The following ZNF385B variants were observed in gnomAD, a reference collection of about 807,000 sequenced individuals.
ZNF385B encodes zinc finger protein 533.
ZNF385B carries 23 observed loss-of-function variants against 39.2 expected under a neutral mutation model. The ratio of observed to expected loss-of-function variants is 0.59; its 90% CI spans 0.42 to 0.83. The LOEUF (loss-of-function observed/expected upper bound fraction) is 0.83, where lower values mean the gene tolerates loss of function less well. Among genes scored for constraint, ZNF385B ranks in the 40% least tolerant of loss-of-function variants. The pLI, the probability that ZNF385B is intolerant of heterozygous loss-of-function variation, is 0.00. For synonymous variants in ZNF385B, 205 were observed against 222.6 expected (o/e 0.92, Z 0.70); for missense variants, 552 against 598.9 (o/e 0.92, Z 0.82).
chr2:179,606,061 ATAGGAAG>A lies in ZNF385B; in HGVS notation c.299-61099_299-61093del, dbSNP rs569979310. ...CAAATTATTATATTTTTGTAATAGC[ATAGGAAG>A]TAGAAGTAGTAGCTGGCAGTCAAAA... On this transcript the variant is annotated intron_variant, in intron 3 of 9. Coordinates refer to ENST00000410066, the MANE Select transcript of ZNF385B (RefSeq NM_152520.6). Among the ~76,000 whole-genome samples the A allele has an allele frequency of 8.9e-3, 1,353 of 152,312 alleles. 12 individuals carry two copies. The highest frequency in any genetic ancestry group is 0.014 in the Non-Finnish European group (977 of 68,026).
chr2:179,724,654 C>A (rs1027196054), intron 3 of ZNF385B, among the ~76,000 whole-genome samples: 4 of 152,144 alleles, frequency 2.6e-5, no homozygotes, highest in African/African-American at 9.7e-5. Context: ...GAACATTATT[C>A]TAACATAATT....
chr2:179,473,572 G>A (rs547107038), intron 6 of ZNF385B, among the ~76,000 whole-genome samples: 12 of 152,240 alleles, frequency 7.9e-5, no homozygotes, highest in East Asian at 7.7e-4. Flanking sequence ...CGTGCAGAAC[G>A]TGCAGGTTTG....
chr2:179,464,809 C>T (rs1192482755), intron 6 of ZNF385B, among the ~76,000 whole-genome samples: 2 of 152,012 alleles, frequency 1.3e-5, no homozygotes, highest in Non-Finnish European at 2.9e-5. Flanking sequence ...TCTTCTTGCC[C>T]AGGATTGTCT....
At chr2:179,834,867 T>G (rs941033867) in intron 1 of ZNF385B, among the ~76,000 whole-genome samples, 1 of 152,140 alleles carries the variant, frequency 6.6e-6, no homozygotes, top group African/African-American at 2.4e-5. Flanking sequence ...ACAACGCCCA[T>G]GAAGGATGCC....
chr2:179,447,734 A>G (rs1361398087), intron 6 of ZNF385B, among the ~76,000 whole-genome samples: 2 of 152,186 alleles, frequency 1.3e-5, no homozygotes, highest in African/African-American at 4.8e-5. Flanking sequence ...AAATCTGAGA[A>G]TATATTTGCT....
intron 3 of ZNF385B, among the ~76,000 whole-genome samples, chr2:179,678,549 A>G (rs1031389930): frequency 1.3e-5 from 2 of 152,220 alleles, no homozygotes; most frequent in African/African-American, 2.4e-5. Context: ...TGAAGATATC[A>G]GAGCAAAAGA....
chr2:179,550,428 T>A (rs2060495230), intron 3 of ZNF385B, among the ~76,000 whole-genome samples: 1 of 149,522 alleles, frequency 6.7e-6, no homozygotes. Flanking sequence ...ATGATCCCCC[T>A]TACCCAATCA....
intron 1 of ZNF385B, among the ~76,000 whole-genome samples, chr2:179,784,658 A>T (rs1467772639): frequency 1.3e-5 from 2 of 152,076 alleles, no homozygotes; most frequent in Non-Finnish European, 2.9e-5. Context: ...GAATTCAGAA[A>T]AGACATCCCA....
chr2:179,647,564 C>T (rs886510196), intron 3 of ZNF385B, among the ~76,000 whole-genome samples: 3 of 152,096 alleles, frequency 2.0e-5, no homozygotes, highest in African/African-American at 4.8e-5. Context: ...AATGAGGTTT[C>T]CCTTAATAGC....
intron 3 of ZNF385B, among the ~76,000 whole-genome samples, chr2:179,701,520 C>G (rs1240386082): frequency 6.6e-6 from 1 of 152,164 alleles, no homozygotes; most frequent in African/African-American, 2.4e-5. Context: ...TATTAAGAAG[C>G]TTACCCAAGT....
chr2:179,533,030 C>T (rs550135948), intron 4 of ZNF385B, among the ~76,000 whole-genome samples: 39 of 151,988 alleles, frequency 2.6e-4, no homozygotes, highest in African/African-American at 8.5e-4. Flanking sequence ...CTGTGATGAC[C>T]GACTCCAGGA....
intron 6 of ZNF385B, among the ~76,000 whole-genome samples, chr2:179,448,362 T>C (rs1440541931): frequency 1.3e-5 from 2 of 152,112 alleles, no homozygotes; most frequent in African/African-American, 2.4e-5. Context: ...AATAATTCAG[T>C]AATCTTAATA....
chr2:179,737,455 T>A (rs1362358316), intron 3 of ZNF385B, among the ~76,000 whole-genome samples: 1 of 152,106 alleles, frequency 6.6e-6, no homozygotes, highest in African/African-American at 2.4e-5. Context: ...AAACCTCACA[T>A]GTTGTGCCAT....
At chr2:179,815,660 A>G (rs1707018516) in intron 1 of ZNF385B, among the ~76,000 whole-genome samples, 1 of 152,180 alleles carries the variant, frequency 6.6e-6, no homozygotes, top group Non-Finnish European at 1.5e-5. Context: ...TGATTCATTC[A>G]ACACTACTCT....
chr2:179,852,568 G>C (rs1684266961), intron 1 of ZNF385B, among the ~76,000 whole-genome samples: 1 of 152,104 alleles, frequency 6.6e-6, no homozygotes, highest in African/African-American at 2.4e-5. Flanking sequence ...GGCGTCCAGT[G>C]GTTCACGTTG....
chr2:179,688,113 G>T (rs139440529), intron 3 of ZNF385B, among the ~76,000 whole-genome samples: 4 of 152,164 alleles, frequency 2.6e-5, no homozygotes, highest in African/African-American at 7.2e-5. Context: ...TTGTTGCCTG[G>T]CAAGTTCTCC....
chr2:179,768,558 A>G (rs1025214644), intron 3 of ZNF385B, among the ~76,000 whole-genome samples: 1 of 152,198 alleles, frequency 6.6e-6, no homozygotes, highest in African/African-American at 2.4e-5. Flanking sequence ...TTTTCTCTGT[A>G]TCATCTCACT....
intron 6 of ZNF385B, among the ~76,000 whole-genome samples, chr2:179,451,179 A>C (rs1043068305): frequency 5.3e-5 from 8 of 151,796 alleles, no homozygotes; most frequent in African/African-American, 1.9e-4. Context: ...TCAGCACACC[A>C]ACATGGCACA....
intron 4 of ZNF385B, among the ~76,000 whole-genome samples, chr2:179,541,834 C>G (rs2059936553): frequency 6.6e-6 from 1 of 152,108 alleles, no homozygotes; most frequent in Non-Finnish European, 1.5e-5. Context: ...TCTGATTGAG[C>G]TTTGTTCACA....
Sources: allele counts gnomAD v4.1 joint callset (sites outside exome capture counted in the v4.1 genomes callset), GRCh38; gene constraint gnomAD v4.1.1; transcripts MANE v1.5; gene names NCBI Gene and HGNC (gene_info 2026-07-23, HGNC 2026-07-21).